The following CLDN16 variants were observed in gnomAD, a reference collection of about 807,000 sequenced individuals.
The protein encoded by CLDN16 is claudin-16.
A neutral mutation model predicts 24.6 loss-of-function variants in CLDN16; 13 were observed. That is an observed-to-expected ratio of 0.53 (90% CI 0.34 to 0.84). The LOEUF (loss-of-function observed/expected upper bound fraction) is 0.84. Among genes scored for constraint, CLDN16 ranks in the 40% least tolerant of loss-of-function variants. CLDN16 has a pLI of 0.01. For missense variants in CLDN16, 298 were observed against 292.7 expected (o/e 1.02, Z -0.13); for synonymous variants, 116 against 106.7 (o/e 1.09, Z -0.54).
At chr3:190,363,556 G>GTGTATATATATATATATATATATA in intron 1 of CLDN16, among the ~76,000 whole-genome samples, 1 of 87,400 alleles carries the variant, frequency 1.1e-5, no homozygotes, top group African/African-American at 4.7e-5. Context: ...GTGTGTGTGT[G>GTGTATATATATATATATATATATA]TATATATATA....
chr3:190,410,871 A>G lies in CLDN16; in HGVS notation c.*835A>G, dbSNP rs1434739508. On this transcript the variant is annotated 3_prime_UTR_variant, in exon 5 of 5. Transcript: ENST00000264734. Reference sequence around the variant, plus strand: ...TCATCAATTCAAGTGCCCACACACCACTGAATCATCAGCACCAAGCAATAT... The same window carrying G: ...TCATCAATTCAAGTGCCCACACACCGCTGAATCATCAGCACCAAGCAATAT... 1 of 152,238 alleles carries G rather than the reference A, an allele frequency of 6.6e-6. No individual in the cohort carries two copies. Among genetic ancestry groups the G allele is most frequent in the Non-Finnish European group, 1.5e-5 (1 of 68,040 alleles). The allele number at this position is 152,238 out of a possible 1,614,324, so 9.4% of individuals were successfully genotyped here. A position where few individuals can be genotyped will look rare whatever the true frequency, so the allele number is the denominator to read the frequency against.
chr3:190,304,594 A>G, the CLDN16 span, among the ~76,000 whole-genome samples: 1 of 152,174 alleles, frequency 6.6e-6, no homozygotes, highest in African/African-American at 2.4e-5. Flanking sequence ...TCAACAAGCC[A>G]TCCCCACATA....
chr3:190,410,341 T>G lies in CLDN16; in HGVS notation c.*305T>G. On this transcript the variant is annotated 3_prime_UTR_variant, in exon 5 of 5. Transcript: ENST00000264734. The stretch of plus-strand genomic sequence containing the variant: ...ATAGCTATTAGAGATTATGACATAG[T>G]AATATTAAAATGAAATGATACTTAA... 3.8e-6 allele frequency: 1 copy of G among 263,108 alleles called. No homozygotes were observed. Among genetic ancestry groups the G allele is most frequent in the Non-Finnish European group, 7.3e-6 (1 of 136,732 alleles). The allele number at this position is 263,108 out of a possible 1,614,324, so 16.3% of individuals were successfully genotyped here.
chr3:190,408,052 C>T (rs554679016), intron 3 of CLDN16, among the ~76,000 whole-genome samples: 9 of 152,212 alleles, frequency 5.9e-5, no homozygotes, highest in East Asian at 5.8e-4. Context: ...CGATGAATTT[C>T]GATTTACACA....
intron 1 of CLDN16, among the ~76,000 whole-genome samples, chr3:190,341,197 G>A (rs1717424858): frequency 6.6e-6 from 1 of 152,206 alleles, no homozygotes; most frequent in African/African-American, 2.4e-5. Flanking sequence ...TGCCCCAGTA[G>A]GGACTCTATG....
the CLDN16 span, among the ~76,000 whole-genome samples, chr3:190,291,184 G>A: frequency 6.6e-6 from 1 of 152,182 alleles, no homozygotes; most frequent in Admixed American, 6.5e-5. Flanking sequence ...GGAAGAGCAA[G>A]GGGATCAATG....
the CLDN16 span, among the ~76,000 whole-genome samples, chr3:190,291,072 T>C: frequency 1.3e-5 from 2 of 152,174 alleles, no homozygotes; most frequent in Admixed American, 1.3e-4. Context: ...TAATGAATGC[T>C]ATGCGGAACC....
chr3:190,385,052 A>T (rs1465224822), upstream of CLDN16, among the ~76,000 whole-genome samples: 10 of 152,104 alleles, frequency 6.6e-5, no homozygotes, highest in Non-Finnish European at 4.4e-5. Flanking sequence ...TGGTCCACTC[A>T]CTGAAGAGTA....
At chr3:190,336,565 A>G (rs1195998109) in intron 1 of CLDN16, among the ~76,000 whole-genome samples, 2 of 152,262 alleles carry the variant, frequency 1.3e-5, no homozygotes, top group Non-Finnish European at 2.9e-5. Flanking sequence ...GGCCCTGAGC[A>G]AGAAAGGGCA....
At chr3:190,403,693 C>T (rs1719018559) in intron 2 of CLDN16, among the ~76,000 whole-genome samples, 2 of 152,148 alleles carry the variant, frequency 1.3e-5, no homozygotes, top group African/African-American at 2.4e-5. Flanking sequence ...TCTTCATCTG[C>T]TATTTAAAAG....
intron 3 of CLDN16, among the ~76,000 whole-genome samples, chr3:190,408,084 T>A (rs898355496): frequency 4.6e-5 from 7 of 152,174 alleles, no homozygotes; most frequent in Admixed American, 2.6e-4. Context: ...TGTTATTTCA[T>A]TTTTGCATTT....
At chr3:190,335,798 C>A (rs1204950617) in intron 1 of CLDN16, among the ~76,000 whole-genome samples, 1 of 148,994 alleles carries the variant, frequency 6.7e-6, no homozygotes, top group African/African-American at 2.5e-5. Context: ...GACACTGATT[C>A]TAGAGAACAC....
chr3:190,382,886 C>G (rs1194436508), intron 3 of CLDN16, among the ~76,000 whole-genome samples: 1 of 152,110 alleles, frequency 6.6e-6, no homozygotes, highest in Non-Finnish European at 1.5e-5. Context: ...GGAACCTTCT[C>G]TAGTTGGGCT....
intron 1 of CLDN16, among the ~76,000 whole-genome samples, chr3:190,398,162 T>C (rs1277981787): frequency 6.6e-6 from 1 of 152,232 alleles, no homozygotes; most frequent in Non-Finnish European, 1.5e-5. Flanking sequence ...AGATCTGTTT[T>C]CTGTTATGAT....
intron 1 of CLDN16, among the ~76,000 whole-genome samples, chr3:190,368,024 C>T (rs1718060553): frequency 6.6e-6 from 1 of 151,848 alleles, no homozygotes; most frequent in African/African-American, 2.4e-5. Context: ...TGATACTGCT[C>T]CTGGCTGCAG....
chr3:190,292,902 C>T, the CLDN16 span, among the ~76,000 whole-genome samples: 1 of 152,176 alleles, frequency 6.6e-6, no homozygotes, highest in Non-Finnish European at 1.5e-5. Context: ...TCCAAACTTT[C>T]CCACATCTTC....
At chr3:190,391,104 G>A (rs1247248711) in intron 1 of CLDN16, among the ~76,000 whole-genome samples, 1 of 151,604 alleles carries the variant, frequency 6.6e-6, no homozygotes, top group Non-Finnish European at 1.5e-5. Flanking sequence ...TCCATTGTTG[G>A]ACAAAAGTCA....
upstream of CLDN16, chr3:190,322,340 C>T: frequency 1.2e-6 from 1 of 812,532 alleles, no homozygotes; most frequent in Non-Finnish European, 2.0e-6. Flanking sequence ...CTGCTCGCTG[C>T]GCCGCCGCTG....
intron 1 of CLDN16, among the ~76,000 whole-genome samples, chr3:190,369,900 A>G (rs1718100399): frequency 6.6e-6 from 1 of 151,998 alleles, no homozygotes; most frequent in Non-Finnish European, 1.5e-5. Context: ...TTGCTTGAGT[A>G]AAAGGTCTGA....
Sources: allele counts gnomAD v4.1 joint callset (sites outside exome capture counted in the v4.1 genomes callset), GRCh38; gene constraint gnomAD v4.1.1; transcripts MANE v1.5; gene names NCBI Gene and HGNC (gene_info 2026-07-23, HGNC 2026-07-21).